RSU1: variants seen among roughly 807,000 people sequenced by gnomAD.
The protein encoded by RSU1 is Ras suppressor protein 1, also known as rsu-1.
In RSU1, 26 loss-of-function variants were observed where a neutral mutation model predicts 31.1. The ratio of observed to expected loss-of-function variants is 0.84; its 90% confidence interval spans 0.61 to 1.16. The LOEUF (loss-of-function observed/expected upper bound fraction) is 1.16. Among genes scored for constraint, RSU1 ranks in the 50% most tolerant of loss-of-function variants. The probability of loss-of-function intolerance (pLI) is 0.00; values close to 1 mark genes in which losing one functional copy is unlikely to be tolerated. For missense variants in RSU1, 320 were observed against 339.1 expected, an observed-to-expected ratio of 0.94 and a Z score of 0.44; for synonymous variants, 164 against 136.3, an observed-to-expected ratio of 1.20 and a Z score of -1.41.
chr10:16,688,110 C>G (rs1195153496), intron 8 of RSU1, among the ~76,000 whole-genome samples: 1 of 152,016 alleles, frequency 6.6e-6, no homozygotes, highest in Non-Finnish European at 1.5e-5. Context: ...GTGATGCTAC[C>G]TAATTTTATC....
At chr10:16,652,301 CAT>C (rs2131515461) in intron 8 of RSU1, among the ~76,000 whole-genome samples, 1 of 144,100 alleles carries the variant, frequency 6.9e-6, no homozygotes, top group South Asian at 2.3e-4. Flanking sequence ...AGAAGCATGT[CAT>C]CAGTAAAAGG....
chr10:16,738,917 T>C (rs1424027751), intron 7 of RSU1, among the ~76,000 whole-genome samples: 1 of 149,730 alleles, frequency 6.7e-6, no homozygotes, highest in Non-Finnish European at 1.5e-5. Context: ...GTTGTCCCTG[T>C]GTTCTCATCA....
chr10:16,632,824 C>T (rs1216352692), intron 8 of RSU1, among the ~76,000 whole-genome samples: 2 of 151,958 alleles, frequency 1.3e-5, no homozygotes, highest in African/African-American at 4.8e-5. Context: ...CATCTGTACA[C>T]GTCCTACCTC....
chr10:16,684,816 C>A (rs1242112425), intron 8 of RSU1, among the ~76,000 whole-genome samples: 2 of 152,112 alleles, frequency 1.3e-5, no homozygotes, highest in Non-Finnish European at 2.9e-5. Flanking sequence ...ACCCAAAAGC[C>A]ACTGTACTTA....
intron 3 of RSU1, among the ~76,000 whole-genome samples, chr10:16,780,714 G>A (rs1439218557): frequency 2.0e-5 from 3 of 152,150 alleles, no homozygotes; most frequent in South Asian, 2.1e-4. Flanking sequence ...CGTGGTCCAC[G>A]CTTCAAAACA....
intron 8 of RSU1, among the ~76,000 whole-genome samples, chr10:16,605,276 AC>A (rs1311137676): frequency 5.3e-5 from 8 of 151,958 alleles, no homozygotes; most frequent in African/African-American, 1.9e-4. Flanking sequence ...TTTCCATCAT[AC>A]CACTCGTCAC....
At chr10:16,613,225 C>A (rs1254394306) in intron 8 of RSU1, among the ~76,000 whole-genome samples, 1 of 152,124 alleles carries the variant, frequency 6.6e-6, no homozygotes, top group Non-Finnish European at 1.5e-5. Context: ...TTAAAAAAGC[C>A]AATATGAAAA....
At chr10:16,796,816 G>C (rs1264390292) in intron 2 of RSU1, among the ~76,000 whole-genome samples, 1 of 151,990 alleles carries the variant, frequency 6.6e-6, no homozygotes. Context: ...AAAATTCAAG[G>C]ACACAATTTA....
chr10:16,726,248 G>A (rs1836390601), intron 7 of RSU1, among the ~76,000 whole-genome samples: 1 of 148,874 alleles, frequency 6.7e-6, no homozygotes, highest in Admixed American at 6.7e-5. Flanking sequence ...CTACCTTTCT[G>A]TCTATCTTAG....
In RSU1 at chr10:16,801,892, T is replaced by C. The variant is rs533007606; in HGVS notation, c.109+15081A>G. Among the ~76,000 whole-genome samples, 21 of 152,180 alleles carry C rather than the reference T, an allele frequency of 1.4e-4. No homozygotes were observed. The South Asian group carries it at 3.3e-3, about 24-fold the overall frequency. Reference sequence around the variant, plus strand: ...GCAGCAAAATCAATGCTAAAGGAAATTTATAGCATTAAATGCATGTATTAC... The same window carrying C: ...GCAGCAAAATCAATGCTAAAGGAAACTTATAGCATTAAATGCATGTATTAC... On this transcript the variant is annotated intron_variant, in intron 2 of 8. Coordinates refer to ENST00000345264, the MANE Select transcript of RSU1 (RefSeq NM_012425.4).
intron 8 of RSU1, among the ~76,000 whole-genome samples, chr10:16,667,602 C>T (rs916807087): frequency 3.9e-5 from 6 of 152,012 alleles, no homozygotes; most frequent in African/African-American, 9.7e-5. Context: ...ATTCTCGTGC[C>T]TCAGCCTCCC....
intron 8 of RSU1, among the ~76,000 whole-genome samples, chr10:16,624,630 A>C (rs1834124744): frequency 6.6e-6 from 1 of 151,918 alleles, no homozygotes. Context: ...GACCCCCATA[A>C]TGCGACACTT....
At chr10:16,597,987 CACA>C (rs1833650905) in intron 8 of RSU1, among the ~76,000 whole-genome samples, 1 of 152,210 alleles carries the variant, frequency 6.6e-6, no homozygotes, top group Non-Finnish European at 1.5e-5. Context: ...GCGGTGCAGT[CACA>C]ACAAGCTCCA....
intron 7 of RSU1, chr10:16,748,159 T>G (rs1356907938): frequency 6.6e-6 from 1 of 152,212 alleles, no homozygotes; most frequent in African/African-American, 2.4e-5. Flanking sequence ...AATAGAAATC[T>G]AGTCTCTTAC....
intron 8 of RSU1, among the ~76,000 whole-genome samples, chr10:16,607,458 A>C (rs1017380779): frequency 6.6e-6 from 1 of 152,232 alleles, no homozygotes; most frequent in Admixed American, 6.5e-5. Context: ...AGAATGGTGA[A>C]TTGGAATTCA....
Position 16,591,018 on chromosome 10 carries a change from TCTC to T in RSU1, c.*2373_*2375del, listed in dbSNP as rs1294530106. 1.3e-5 allele frequency: 2 copies of T among 152,154 alleles called. No individual in the cohort carries two copies. Among genetic ancestry groups the T allele is most frequent in the African/African-American group, 4.8e-5 (2 of 41,410 alleles). 9.4% of individuals were successfully genotyped at this position (152,154 alleles called of 1,614,324 possible). A position where few individuals can be genotyped will look rare whatever the true frequency, so the allele number is the denominator to read the frequency against. ...CCTCTGCCTCCCGGGTTCAATCAATTCTCCTGCCTCAGCCTCCTGAGCAGCTGG... is the reference window on the plus strand; with the variant it reads ...CCTCTGCCTCCCGGGTTCAATCAATTCTGCCTCAGCCTCCTGAGCAGCTGG... On this transcript the variant is annotated 3_prime_UTR_variant, in exon 9 of 9. Coordinates refer to ENST00000345264, the MANE Select transcript of RSU1 (RefSeq NM_012425.4).
intron 8 of RSU1, among the ~76,000 whole-genome samples, chr10:16,620,296 T>C (rs1020101298): frequency 3.9e-5 from 6 of 152,132 alleles, no homozygotes; most frequent in African/African-American, 1.2e-4. Context: ...ATGTCAATAG[T>C]GGATGATAGT....
chr10:16,595,232 G>A (rs1208275098), intron 8 of RSU1, among the ~76,000 whole-genome samples: 1 of 152,212 alleles, frequency 6.6e-6, no homozygotes, highest in African/African-American at 2.4e-5. Flanking sequence ...TAGTGTTCTT[G>A]ATGACATCTC....
intron 7 of RSU1, among the ~76,000 whole-genome samples, chr10:16,703,904 G>A (rs978217117): frequency 2.0e-4 from 31 of 152,296 alleles, no homozygotes; most frequent in Admixed American, 7.2e-4. Flanking sequence ...TGAAGCAGGC[G>A]TTCTCAAACT....
Sources: allele counts gnomAD v4.1 joint callset (sites outside exome capture counted in the v4.1 genomes callset), GRCh38; gene constraint gnomAD v4.1.1; transcripts MANE v1.5; gene names NCBI Gene and HGNC (gene_info 2026-07-23, HGNC 2026-07-21).